NAV1: variants seen among roughly 807,000 people sequenced by gnomAD.
NAV1 encodes pore membrane and/or filament interacting like protein 3.
NAV1 carries 18 observed loss-of-function variants against 175.2 expected under a neutral mutation model. That is an observed-to-expected ratio of 0.10 (90% CI 0.07 to 0.15). The LOEUF is 0.15. NAV1 is among the 10% of genes least tolerant of loss of function. NAV1 has a pLI of 1.00. For missense variants in NAV1, 1,731 were observed against 2,436.6 expected (o/e 0.71, Z 6.10); for synonymous variants, 897 against 978.7 (o/e 0.92, Z 1.56).
Position 201,690,342 on chromosome 1 carries a change from C to T in NAV1, c.758-22475C>T, listed in dbSNP as rs573414465. On this transcript the variant is annotated intron_variant, in intron 1 of 29. Coordinates refer to ENST00000367296, the Ensembl canonical transcript of NAV1. ...TGTCCATGCAGTGTGTGTCTGTTTC[C>T]TCTGTGGCCTATATGTGGCAGAATG... 3.3e-4 allele frequency among the ~76,000 whole-genome samples: 30 copies of T among 89,584 alleles called. 1 individual carries two copies. In the East Asian group the frequency reaches 9.3e-3, roughly 28 times the overall value. 58.8% of individuals were successfully genotyped at this position (89,584 alleles called of 152,430 possible). A position where few individuals can be genotyped will look rare whatever the true frequency, so the allele number is the denominator to read the frequency against.
intron 28 of NAV1, among the ~76,000 whole-genome samples, chr1:201,814,593 T>C (rs996595261): frequency 1.3e-5 from 2 of 152,174 alleles, no homozygotes; most frequent in African/African-American, 4.8e-5. Context: ...CCTGGTGATA[T>C]AGTAAATTTC....
chr1:201,648,459 C>T (rs1669057253), exon 1 of NAV1: 1 of 1,231,762 alleles, frequency 8.1e-7, no homozygotes, highest in Non-Finnish European at 1.0e-6. Flanking sequence ...TCCCGGCTTC[C>T]TTCCTCGCGT....
rs547083318 is a variant in NAV1, at chr1:201,731,910, G to A, written c.1226+13155G>A. 6.6e-5 allele frequency among the ~76,000 whole-genome samples: 10 copies of A among 152,310 alleles called. No homozygotes were observed. The South Asian group carries it at 1.9e-3, about 28-fold the overall frequency. On this transcript the variant is annotated intron_variant, in intron 3 of 29. Coordinates refer to ENST00000367296, the Ensembl canonical transcript of NAV1. ...CAGCGAGCCTCCACAGAGGGGCCCTGGGGGATAGCCAGCTGCCCTGTGCTC... is the reference window on the plus strand; with the variant it reads ...CAGCGAGCCTCCACAGAGGGGCCCTAGGGGATAGCCAGCTGCCCTGTGCTC...
chr1:201,717,010 C>A (rs1040220084), intron 2 of NAV1, among the ~76,000 whole-genome samples: 2 of 152,212 alleles, frequency 1.3e-5, no homozygotes, highest in Non-Finnish European at 2.9e-5. Flanking sequence ...GGGCCTCCCC[C>A]ATCTTGCCCA....
At chr1:201,699,528 T>C (rs1671325005) in intron 1 of NAV1, among the ~76,000 whole-genome samples, 1 of 152,210 alleles carries the variant, frequency 6.6e-6, no homozygotes, top group African/African-American at 2.4e-5. Context: ...AGGTAATTTA[T>C]AGATTCAATG....
intron 2 of NAV1, among the ~76,000 whole-genome samples, chr1:201,630,259 T>C (rs930374265): frequency 1.3e-5 from 2 of 152,108 alleles, no homozygotes; most frequent in East Asian, 3.8e-4. Context: ...ACACCAGGGG[T>C]ACATGAGGCT....
intron 1 of NAV1, among the ~76,000 whole-genome samples, chr1:201,678,445 C>T (rs1427690382): frequency 6.6e-6 from 1 of 152,162 alleles, no homozygotes; most frequent in Non-Finnish European, 1.5e-5. Flanking sequence ...CTCTTGTCCC[C>T]ATTTTACAGA....
rs181379707 is a variant in NAV1 at position 201,582,389 on chromosome 1, C to T, written c.-143-6150C>T. 1.8e-3 allele frequency among the ~76,000 whole-genome samples: 272 copies of T among 152,320 alleles called. 5 individuals carry two copies. The highest frequency in any genetic ancestry group is 0.016 in the Admixed American group (250 of 15,298). On this transcript the variant is annotated intron_variant, in intron 1 of 33. Coordinates refer to the NAV1 transcript ENST00000685211. Reference sequence around the variant, plus strand: ...CTGGGAATCTGGAAGCACACAGGACCAGTATGGGAAGGGCTGGGCCTCCAA... The same window carrying T: ...CTGGGAATCTGGAAGCACACAGGACTAGTATGGGAAGGGCTGGGCCTCCAA...
intron 3 of NAV1, among the ~76,000 whole-genome samples, chr1:201,726,235 C>T (rs971695812): frequency 1.3e-5 from 2 of 152,188 alleles, no homozygotes; most frequent in African/African-American, 4.8e-5. Flanking sequence ...CACCTAGCCT[C>T]TCTGAGTCTT....
At chr1:201,680,705 G>A (rs1326199948) in intron 1 of NAV1, among the ~76,000 whole-genome samples, 1 of 149,332 alleles carries the variant, frequency 6.7e-6, no homozygotes, top group Non-Finnish European at 1.5e-5. Context: ...GGACAGAACA[G>A]CCAAACCATA....
At chr1:201,654,968 G>C (rs1205884716) in intron 1 of NAV1, among the ~76,000 whole-genome samples, 1 of 152,210 alleles carries the variant, frequency 6.6e-6, no homozygotes, top group Non-Finnish European at 1.5e-5. Context: ...TACAGATGAA[G>C]CTAGCCTGCG....
chr1:201,716,439 G>A (rs1018832929), intron 2 of NAV1, among the ~76,000 whole-genome samples: 2 of 152,232 alleles, frequency 1.3e-5, no homozygotes, highest in African/African-American at 2.4e-5. Context: ...GAGCAAGGCA[G>A]ACAAAGTCGC....
chr1:201,777,198 CA>C (rs1157949489), intron 3 of NAV1, among the ~76,000 whole-genome samples: 1 of 152,134 alleles, frequency 6.6e-6, no homozygotes, highest in Non-Finnish European at 1.5e-5. Context: ...AGTAAAACAA[CA>C]AAGAGGAAGA....
Position 201,812,674 on chromosome 1 carries a change from A to G in NAV1, c.5221+13A>G. 1.2e-6 allele frequency: 2 copies of G among 1,610,238 alleles called. No individual in the cohort carries two copies. The highest frequency in any genetic ancestry group is 2.2e-5 in the South Asian group (2 of 90,962). On this transcript the variant is annotated intron_variant, in intron 27 of 29. Transcript: ENST00000367296. The surrounding 1 kb of genome is among the most constrained non-coding windows in gnomAD (Gnocchi z 4.6). Reference sequence around the variant, plus strand: ...GACTTCCTCATCGGTACTGGGGTCCAGCTTCCCCCGGGGGTCAGGAGGTGG... The same window carrying G: ...GACTTCCTCATCGGTACTGGGGTCCGGCTTCCCCCGGGGGTCAGGAGGTGG...
upstream of NAV1, among the ~76,000 whole-genome samples, chr1:201,647,918 AG>A (rs1276782599): frequency 6.6e-6 from 1 of 151,802 alleles, no homozygotes; most frequent in Non-Finnish European, 1.5e-5. Context: ...TGGACACGGC[AG>A]GGGGTCCCCG....
intron 2 of NAV1, among the ~76,000 whole-genome samples, chr1:201,590,894 C>G (rs1042838349): frequency 5.9e-5 from 9 of 152,198 alleles, no homozygotes; most frequent in Non-Finnish European, 1.2e-4. Context: ...GACTGAGGAT[C>G]GCAGACAGTG....
chr1:201,623,440 C>T (rs1363107481), exon 1 of NAV1: 1 of 985,854 alleles, frequency 1.0e-6, no homozygotes, highest in Admixed American at 6.1e-5. Flanking sequence ...TTCTGGGACC[C>T]CCAGGTCTTT....
In NAV1 at chr1:201,799,196, G is replaced by GTGT. The variant is rs1553277504; in HGVS notation, c.3518-4397_3518-4396insTGT. Among the ~76,000 whole-genome samples, 1,408 of 151,490 alleles carry GTGT rather than the reference G, an allele frequency of 9.3e-3. 20 individuals are homozygous for GTGT. The highest frequency in any genetic ancestry group is 0.032 in the African/African-American group (1,325 of 41,376). ...AGAAACTGTGTGTGTGTGTGTGTGT[G>GTGT]GAGAGAGAGAGAGAAAGCAAATAAA... On this transcript the variant is annotated intron_variant, in intron 15 of 29. Coordinates refer to ENST00000367296, the Ensembl canonical transcript of NAV1.
intron 1 of NAV1, among the ~76,000 whole-genome samples, chr1:201,712,280 C>T (rs4950810): frequency 0.46 from 69,792 of 152,036 alleles, 16,315 homozygotes; most frequent in South Asian, 0.63. Flanking sequence ...TTGTTAGCCC[C>T]TCTTCCTAAC....
Sources: gnomAD v4.1 joint callset for allele counts (sites outside exome capture counted in the v4.1 genomes callset) on GRCh38, gnomAD v4.1.1 for gene constraint, Gnocchi (gnomAD v3.1) non-coding constraint, MANE v1.5 for transcripts, NCBI Gene and HGNC (gene_info 2026-07-23, HGNC 2026-07-21) for gene names.